GRAMD4: variants seen among roughly 807,000 people sequenced by gnomAD.
GRAMD4 encodes GRAM domain-containing protein 4.
In GRAMD4, 25 loss-of-function variants were observed where a neutral mutation model predicts 83.9. The ratio of observed to expected loss-of-function variants is 0.30; its 90% CI spans 0.22 to 0.42. GRAMD4 has a LOEUF of 0.42. Ranked by LOEUF, GRAMD4 falls within the 10% of genes least tolerant of loss-of-function variation. The pLI is 1.00. For missense variants in GRAMD4, 593 were observed against 788.7 expected (o/e 0.75, Z 2.97); for synonymous variants, 336 against 320.9 (o/e 1.05, Z -0.50).
chr22:46,676,535 G>A (rs2082600873), intron 17 of GRAMD4, 65 bp from the exon 18 acceptor site: 1 of 1,441,668 alleles, frequency 6.9e-7, no homozygotes, highest in South Asian at 1.2e-5. Flanking sequence ...CCCTGGGCCT[G>A]TGGAGGGCTG....
chr22:46,623,734 T>G (rs1182444073), intron 1 of GRAMD4, among the ~76,000 whole-genome samples: 1 of 151,864 alleles, frequency 6.6e-6, no homozygotes, highest in Non-Finnish European at 1.5e-5. Flanking sequence ...TTTCGCGTAT[T>G]AGGAAGTGGT....
intron 3 of GRAMD4, among the ~76,000 whole-genome samples, chr22:46,640,651 G>A (rs1383711902): frequency 6.6e-6 from 1 of 152,140 alleles, no homozygotes; most frequent in Non-Finnish European, 1.5e-5. Context: ...TGAGCACGGG[G>A]ATTATTTTTT....
At chr22:46,675,746 A>G (rs1296153341) in intron 17 of GRAMD4, among the ~76,000 whole-genome samples, 194 bp downstream of exon 17, 2 of 152,022 alleles carry the variant, frequency 1.3e-5, no homozygotes, top group Non-Finnish European at 2.9e-5. Flanking sequence ...CCTGGGGTCC[A>G]CTTGCCTGGA....
At chr22:46,643,452 A>G (rs1250865918) in intron 3 of GRAMD4, among the ~76,000 whole-genome samples, 2 of 152,216 alleles carry the variant, frequency 1.3e-5, no homozygotes, top group African/African-American at 4.8e-5. Flanking sequence ...AGTATTTCCT[A>G]AAGGCAAGGA....
At chr22:46,595,393 C>T (rs184820616) in intron 1 of GRAMD4, among the ~76,000 whole-genome samples, 1 of 152,358 alleles carries the variant, frequency 6.6e-6, no homozygotes, top group East Asian at 1.9e-4. Context: ...CCCTTTTATG[C>T]CACAAAGGTC....
intron 13 of GRAMD4, among the ~76,000 whole-genome samples, chr22:46,670,078 G>T (rs1404272172): frequency 6.6e-6 from 1 of 152,238 alleles, no homozygotes; most frequent in Non-Finnish European, 1.5e-5. Flanking sequence ...CAAAGCCAGG[G>T]GTGGGGAGAG....
intron 10 of GRAMD4, among the ~76,000 whole-genome samples, chr22:46,667,182 G>A (rs985383342): frequency 1.3e-5 from 2 of 152,226 alleles, no homozygotes; most frequent in Admixed American, 6.5e-5. Context: ...AGGGGCTGCT[G>A]TAGCCCCCAC....
intron 3 of GRAMD4, among the ~76,000 whole-genome samples, chr22:46,654,399 TC>T (rs1477235160): frequency 6.6e-6 from 1 of 152,142 alleles, no homozygotes; most frequent in Non-Finnish European, 1.5e-5. Context: ...CAGGGTGTTG[TC>T]CCCTCTGTTC....
At chr22:46,593,877 C>G (rs1374739897) in intron 1 of GRAMD4, among the ~76,000 whole-genome samples, 1 of 151,916 alleles carries the variant, frequency 6.6e-6, no homozygotes, top group Non-Finnish European at 1.5e-5. Context: ...GCGTGCACCA[C>G]CACCCTGGGC....
intron 1 of GRAMD4, among the ~76,000 whole-genome samples, chr22:46,586,032 C>A (rs1271598791): frequency 6.6e-6 from 1 of 152,118 alleles, no homozygotes; most frequent in African/African-American, 2.4e-5. Flanking sequence ...TAGGCCCTCC[C>A]ATGACCCCCA....
chr22:46,594,889 A>C (rs2081246074), intron 1 of GRAMD4, among the ~76,000 whole-genome samples: 1 of 151,972 alleles, frequency 6.6e-6, no homozygotes, highest in Non-Finnish European at 1.5e-5. Flanking sequence ...GGCCAGCACT[A>C]AGTTTTGCTG....
At position 46,587,826 on chromosome 22, in the gene GRAMD4, G is replaced by C. The variant is rs1009196713; in HGVS notation, c.-50+10536G>C. 1.7e-5 allele frequency: 14 copies of C among 806,964 alleles called. No individual in the cohort carries two copies. In the African/African-American group the frequency reaches 2.6e-4, roughly 15 times the overall value. 50.0% of individuals were successfully genotyped at this position (806,964 alleles called of 1,614,324 possible). A position where few individuals can be genotyped will look rare whatever the true frequency, so the allele number is the denominator to read the frequency against. ...CTAACAGTGGAGGTGGCAGATGTTT[G>C]GTGGAGAGGAAGTGAAACAGGCGTG... is the stretch of plus-strand genomic sequence containing the variant. On this transcript the variant is annotated intron_variant, in intron 1 of 1. Transcript: ENST00000431155.
At chr22:46,639,512 G>A (rs1236842492) in intron 3 of GRAMD4, among the ~76,000 whole-genome samples, 6 of 151,700 alleles carry the variant, frequency 4.0e-5, no homozygotes, top group Admixed American at 1.3e-4. Flanking sequence ...GTGTGTGAGC[G>A]TGTGCAGTGG....
intron 1 of GRAMD4, among the ~76,000 whole-genome samples, chr22:46,624,892 G>A (rs375843591): frequency 1.4e-5 from 2 of 139,618 alleles, no homozygotes; most frequent in African/African-American, 5.4e-5. Flanking sequence ...ACAGAGTCTC[G>A]CTCTGTCACC....
intron 6 of GRAMD4, 33 bp from the exon 7 acceptor site, chr22:46,663,805 C>T (rs759575056): frequency 3.1e-6 from 5 of 1,611,576 alleles, no homozygotes; most frequent in East Asian, 2.2e-5. Context: ...GGTGCATTAA[C>T]CCTGGGCTCC....
At chr22:46,638,340 A>G (rs2081922920) in intron 3 of GRAMD4, among the ~76,000 whole-genome samples, 1 of 152,226 alleles carries the variant, frequency 6.6e-6, no homozygotes, top group Non-Finnish European at 1.5e-5. Flanking sequence ...GGTGGCTCGG[A>G]CTTTTTCAGA....
chr22:46,583,506 C>T (rs2081117820), intron 1 of GRAMD4, among the ~76,000 whole-genome samples: 1 of 152,214 alleles, frequency 6.6e-6, no homozygotes, highest in African/African-American at 2.4e-5. Flanking sequence ...CTCTAAGCTC[C>T]TCTTTGCTAT....
chr22:46,587,455 C>G, intron 1 of GRAMD4, among the ~76,000 whole-genome samples: 1 of 151,970 alleles, frequency 6.6e-6, no homozygotes, highest in East Asian at 2.0e-4. Context: ...GGGTCCTGTT[C>G]CGGCTTCAGT....
downstream of GRAMD4, among the ~76,000 whole-genome samples, chr22:46,680,761 CCCAT>C (rs1281574424): frequency 2.5e-4 from 25 of 100,308 alleles, no homozygotes; most frequent in South Asian, 6.1e-3. Flanking sequence ...CATCCACCCA[CCCAT>C]CCATCCATCC....
Sources: allele counts gnomAD v4.1 joint callset (sites outside exome capture counted in the v4.1 genomes callset), GRCh38; gene constraint gnomAD v4.1.1; transcripts MANE v1.5; gene names NCBI Gene and HGNC (gene_info 2026-07-23, HGNC 2026-07-21).